OPCML: variants seen among roughly 807,000 people sequenced by gnomAD.
OPCML encodes opioid binding protein/cell adhesion molecule like.
A neutral mutation model predicts 37.8 loss-of-function variants in OPCML; 13 were observed. The ratio of observed to expected loss-of-function variants is 0.34; its 90% CI spans 0.22 to 0.55. OPCML has a LOEUF of 0.55. Ranked by LOEUF, OPCML falls within the 20% of genes least tolerant of loss-of-function variation. OPCML has a pLI of 0.91. For missense variants in OPCML, 341 were observed against 435.6 expected (o/e 0.78, Z 1.93); for synonymous variants, 176 against 168.8 (o/e 1.04, Z -0.33).
At chr11:132,678,592 G>A (rs1409265651) in intron 2 of OPCML, among the ~76,000 whole-genome samples, 3 of 152,098 alleles carry the variant, frequency 2.0e-5, no homozygotes, top group Non-Finnish European at 4.4e-5. Context: ...AGACATGTTG[G>A]TAACTTAAAT....
At chr11:132,489,995 C>T (rs1356260985) in intron 4 of OPCML, among the ~76,000 whole-genome samples, 1 of 152,100 alleles carries the variant, frequency 6.6e-6, no homozygotes, top group Non-Finnish European at 1.5e-5. Context: ...CCAGCTTCAT[C>T]CATGTCCCTG....
At chr11:132,609,329 T>A (rs1565707912) in intron 3 of OPCML, among the ~76,000 whole-genome samples, 1 of 152,236 alleles carries the variant, frequency 6.6e-6, no homozygotes. Context: ...GTCAAAAGTC[T>A]TAATGTGAAT....
intron 4 of OPCML, among the ~76,000 whole-genome samples, chr11:132,499,626 A>G (rs991793831): frequency 2.0e-5 from 3 of 152,186 alleles, no homozygotes; most frequent in African/African-American, 7.2e-5. Context: ...ATTGAATCCT[A>G]TTCTGATTCT....
intron 3 of OPCML, among the ~76,000 whole-genome samples, chr11:132,637,475 A>G (rs1413674023): frequency 1.3e-5 from 2 of 152,112 alleles, no homozygotes; most frequent in Non-Finnish European, 2.9e-5. Flanking sequence ...GCTTCAAAAT[A>G]ATTTAGCCCA....
At chr11:133,246,987 G>A (rs756242657) in intron 1 of OPCML, among the ~76,000 whole-genome samples, 8 of 152,096 alleles carry the variant, frequency 5.3e-5, no homozygotes, top group East Asian at 1.9e-4. Flanking sequence ...GCCAGTAGCC[G>A]AAACATGAGC....
chr11:133,115,445 G>A (rs527418254), intron 1 of OPCML, among the ~76,000 whole-genome samples: 6 of 152,208 alleles, frequency 3.9e-5, no homozygotes, highest in East Asian at 3.9e-4. Context: ...GAATTTCTAC[G>A]GAAGCCACCT....
intron 1 of OPCML, among the ~76,000 whole-genome samples, chr11:133,056,658 G>T (rs1191744544): frequency 6.6e-6 from 1 of 152,162 alleles, no homozygotes; most frequent in African/African-American, 2.4e-5. Flanking sequence ...AATTCAGCCT[G>T]ATTCTAATCA....
chr11:133,522,897 C>G (rs150412969), intron 1 of OPCML, among the ~76,000 whole-genome samples: 3 of 152,122 alleles, frequency 2.0e-5, no homozygotes, highest in Admixed American at 6.6e-5. Context: ...TTGTAGGGAG[C>G]CAGCCATAGA....
intron 2 of OPCML, among the ~76,000 whole-genome samples, chr11:132,888,615 GT>G (rs1295927593): frequency 6.6e-6 from 1 of 152,144 alleles, no homozygotes; most frequent in Non-Finnish European, 1.5e-5. Context: ...ATAAATGAAA[GT>G]TGTCTGTATT....
At chr11:133,353,437 G>T (rs1361357160) in intron 1 of OPCML, among the ~76,000 whole-genome samples, 19 of 152,096 alleles carry the variant, frequency 1.2e-4, no homozygotes. Flanking sequence ...TTGGATTACA[G>T]GCATGAGCCA....
chr11:133,413,316 T>TG (rs905457701), intron 1 of OPCML, among the ~76,000 whole-genome samples: 1 of 100,916 alleles, frequency 9.9e-6, no homozygotes, highest in African/African-American at 4.0e-5. Flanking sequence ...TATCACACTC[T>TG]GGGGCCTGTT....
chr11:132,626,869 GACACACACAT>G (rs1939779563), intron 3 of OPCML, among the ~76,000 whole-genome samples: 1 of 145,154 alleles, frequency 6.9e-6, no homozygotes, highest in Non-Finnish European at 1.5e-5. Flanking sequence ...TATATATATA[GACACACACAT>G]ACATATACAT....
chr11:133,340,071 T>C (rs574736119), intron 1 of OPCML, among the ~76,000 whole-genome samples: 1 of 152,342 alleles, frequency 6.6e-6, no homozygotes, highest in East Asian at 1.9e-4. Context: ...TTTCCTTTTC[T>C]AACTCTGAAG....
intron 1 of OPCML, among the ~76,000 whole-genome samples, chr11:133,198,350 T>C (rs1033784414): frequency 2.6e-5 from 4 of 152,232 alleles, no homozygotes; most frequent in African/African-American, 4.8e-5. Flanking sequence ...CAAAAGGACA[T>C]TCGATCATAC....
Position 132,825,799 on chromosome 11 carries a change from G to A in OPCML, c.146+117127C>T, listed in dbSNP as rs550009874. Among the ~76,000 whole-genome samples, 31 of 152,340 alleles carry A rather than the reference G, an allele frequency of 2.0e-4. No homozygotes were observed. The South Asian group carries it at 5.8e-3, about 29-fold the overall frequency. On this transcript the variant is annotated intron_variant, in intron 2 of 7. Transcript: ENST00000524381. ...TAACAAAGTGAAGGGAAAAGTTCCA[G>A]TAGAGAAGGGAATACACCTTTGGGT...
chr11:133,478,946 A>G (rs961255869), intron 1 of OPCML, among the ~76,000 whole-genome samples: 100 of 152,056 alleles, frequency 6.6e-4, no homozygotes, highest in African/African-American at 2.3e-3. Context: ...CCAGGCCATC[A>G]CTTTGTAGCA....
chr11:132,435,302 GT>G, intron 7 of OPCML: 1 of 1,249,958 alleles, frequency 8.0e-7, no homozygotes, highest in East Asian at 5.6e-5. Context: ...GAAAGCTTGT[GT>G]CTGAGGTGCA....
Position 132,419,899 on chromosome 11 carries a change from G to C in OPCML, c.*294C>G. The C allele has an allele frequency of 2.8e-6, 1 of 357,914 alleles. No homozygotes were observed. Among genetic ancestry groups the C allele is most frequent in the Non-Finnish European group, 5.1e-6 (1 of 196,230 alleles). The allele number at this position is 357,914 out of a possible 1,614,324, so 22.2% of individuals were successfully genotyped here. Reference sequence around the variant, plus strand: ...AGGATGTTGTTGGGAATGATGATGAGGAGAGAAGCAGAGGAAAGGGAAGGG... The same window carrying C: ...AGGATGTTGTTGGGAATGATGATGACGAGAGAAGCAGAGGAAAGGGAAGGG... On this transcript the variant is annotated 3_prime_UTR_variant, in exon 8 of 8. Coordinates refer to ENST00000524381, the MANE Select transcript of OPCML (RefSeq NM_001012393.5).
intron 1 of OPCML, chr11:133,009,329 TA>T: frequency 3.4e-6 from 2 of 585,850 alleles, no homozygotes; most frequent in South Asian, 7.5e-5. Context: ...GAATCTAGAA[TA>T]AAAAAGATGT....
Sources: allele counts gnomAD v4.1 joint callset (sites outside exome capture counted in the v4.1 genomes callset), GRCh38; gene constraint gnomAD v4.1.1; transcripts MANE v1.5; gene names NCBI Gene and HGNC (gene_info 2026-07-23, HGNC 2026-07-21).